The following C1orf50 variants were observed in gnomAD, a reference collection of about 807,000 sequenced individuals.
C1orf50 encodes the protein uncharacterized protein C1orf50.
A neutral mutation model predicts 23.3 loss-of-function variants in C1orf50; 22 were observed. The ratio of observed to expected loss-of-function variants is 0.94; its 90% CI spans 0.67 to 1.35. The LOEUF is 1.35. C1orf50 is among the 40% of genes most tolerant of loss of function. The pLI is 0.00. For missense variants in C1orf50, 271 were observed against 249.4 expected, an observed-to-expected ratio of 1.09 and a Z score of -0.58; for synonymous variants, 96 against 102.4, an observed-to-expected ratio of 0.94 and a Z score of 0.38.
Position 42,776,638 on chromosome 1 carries a change from A to T in C1orf50, c.*1244A>T, listed in dbSNP as rs1653346056. The T allele has an allele frequency of 6.6e-6, 1 of 152,266 alleles. No individual in the cohort carries two copies. The highest frequency in any genetic ancestry group is 2.4e-5 in the African/African-American group (1 of 41,450). 9.4% of individuals were successfully genotyped at this position (152,266 alleles called of 1,614,324 possible). On this transcript the variant is annotated 3_prime_UTR_variant, in exon 5 of 5. Coordinates refer to ENST00000372525, the MANE Select transcript of C1orf50 (RefSeq NM_024097.4). ...AGGTCTACCTAAGGCCTAGCACAGG[A>T]TGGGGCTAGAATCTAACAAACTCAC...
intron 3 of C1orf50, among the ~76,000 whole-genome samples, chr1:42,774,368 C>T (rs1440770694): frequency 1.3e-5 from 2 of 152,138 alleles, no homozygotes; most frequent in East Asian, 3.9e-4. Context: ...GTTGGGAGTA[C>T]AGGCATATGC....
Position 42,775,546 on chromosome 1 carries a change from T to A in C1orf50, c.*152T>A. Reference sequence around the variant, plus strand: ...ATGTAAATGCTGTCATTATGACTTTTAATTGGGATGGGAATAATCATTGAG... The same window carrying A: ...ATGTAAATGCTGTCATTATGACTTTAAATTGGGATGGGAATAATCATTGAG... On this transcript the variant is annotated 3_prime_UTR_variant, in exon 5 of 5. Coordinates refer to ENST00000372525, the MANE Select transcript of C1orf50 (RefSeq NM_024097.4). 3.2e-6 allele frequency: 2 copies of A among 616,332 alleles called. No homozygotes were observed. The highest frequency in any genetic ancestry group is 5.4e-6 in the Non-Finnish European group (2 of 371,598). The allele number at this position is 616,332 out of a possible 1,614,324, so 38.2% of individuals were successfully genotyped here.
At position 42,767,619 on chromosome 1, in the gene C1orf50, CAGA is replaced by C; in HGVS notation, c.193_195del (p.Lys65del). Reference sequence around the variant, plus strand: ...CCTCGTGGCGCTCGCAGAGCAGGTGCAGAAGGTGAGGAGGCGCGGCCGGGGCAG... The same window carrying C: ...CCTCGTGGCGCTCGCAGAGCAGGTGCAGGTGAGGAGGCGCGGCCGGGGCAG... On this transcript the variant is annotated inframe_deletion and splice_region_variant, in exon 2 of 5. Transcript: ENST00000372525. 1 of 1,610,804 alleles carries C rather than the reference CAGA, an allele frequency of 6.2e-7. No individual in the cohort carries two copies. Among genetic ancestry groups the C allele is most frequent in the Non-Finnish European group, 8.5e-7 (1 of 1,179,062 alleles).
chr1:42,774,462 A>T (rs1653292295), intron 3 of C1orf50, among the ~76,000 whole-genome samples: 1 of 152,194 alleles, frequency 6.6e-6, no homozygotes, highest in Non-Finnish European at 1.5e-5. Flanking sequence ...AACTCAAGTG[A>T]TCCACCTGCC....
At chr1:42,767,429 C>G in intron 1 of C1orf50, 39 bp downstream of exon 1, 1 of 1,553,198 alleles carries the variant, frequency 6.4e-7, no homozygotes, top group Non-Finnish European at 8.7e-7. Flanking sequence ...AGTCAGCTCC[C>G]GCGAGGCAGC....
intron 2 of C1orf50, among the ~76,000 whole-genome samples, chr1:42,772,723 G>A (rs930025757): frequency 6.6e-6 from 1 of 152,018 alleles, no homozygotes; most frequent in Non-Finnish European, 1.5e-5. Context: ...AGAAGTTGCA[G>A]TGAGCCAAGA....
At chr1:42,771,972 C>T (rs1477874742) in intron 2 of C1orf50, among the ~76,000 whole-genome samples, 4 of 90,670 alleles carry the variant, frequency 4.4e-5, no homozygotes, top group African/African-American at 1.4e-4. Flanking sequence ...GAGACTCTGC[C>T]TCAAAAAAAA....
chr1:42,767,308 T>C lies in C1orf50; in HGVS notation c.-4T>C. 3 of 1,505,412 alleles carry C rather than the reference T, an allele frequency of 2.0e-6. No homozygotes were observed. Among genetic ancestry groups the C allele is most frequent in the South Asian group, 1.3e-5 (1 of 75,458 alleles). The allele number at this position is 1,505,412 out of a possible 1,614,324, so 93.3% of individuals were successfully genotyped here. A position where few individuals can be genotyped will look rare whatever the true frequency, so the allele number is the denominator to read the frequency against. ...CCAGGGAGTGGGGAGGATAAGGCGCTGTCATGGAGGACGCCGCCGCGCCGG... is the reference window on the plus strand; with the variant it reads ...CCAGGGAGTGGGGAGGATAAGGCGCCGTCATGGAGGACGCCGCCGCGCCGG... On this transcript the variant is annotated 5_prime_UTR_variant, in exon 1 of 5. Coordinates refer to ENST00000372525, the MANE Select transcript of C1orf50 (RefSeq NM_024097.4).
chr1:42,773,251 GAA>G, intron 2 of C1orf50: 1 of 210,226 alleles, frequency 4.8e-6, no homozygotes, highest in Non-Finnish European at 9.7e-6. Flanking sequence ...GCAGGAGAGA[GAA>G]AGAGAGAAGG....
Position 42,773,579 on chromosome 1 carries a change from G to A in C1orf50, c.212G>A (p.Arg71Gln), listed in dbSNP as rs182425769. Residue 71 changes from arginine to glutamine, a missense_variant, in exon 3 of 5, where the codon CGA becomes CAA. Physicochemically the swap from Arg to Gln is conservative, Grantham distance 43 (BLOSUM62 1). Coordinates refer to ENST00000372525, the MANE Select transcript of C1orf50 (RefSeq NM_024097.4). ...CACCTGTAGGCTGATGAATTCATCCGAGCAAATGCCACCAACAAGCTGACA... is the reference window on the plus strand; with the variant it reads ...CACCTGTAGGCTGATGAATTCATCCAAGCAAATGCCACCAACAAGCTGACA... ...EQVQKADEFIRANATNKLTVI... is the reference protein window; with the variant it reads ...EQVQKADEFIQANATNKLTVI... The A allele has an allele frequency of 1.1e-5, 17 of 1,611,760 alleles. No individual in the cohort carries two copies. The African/African-American group carries it at 1.2e-4, about 11-fold the overall frequency.
At position 42,778,079 on chromosome 1, in the gene C1orf50, AG is replaced by A. The variant is rs1653374531; in HGVS notation, c.*2686del. The A allele has an allele frequency of 6.6e-6, 1 of 152,102 alleles. No individual in the cohort carries two copies. The highest frequency in any genetic ancestry group is 6.5e-5 in the Admixed American group (1 of 15,280). The allele number at this position is 152,102 out of a possible 1,614,324, so 9.4% of individuals were successfully genotyped here. A position where few individuals can be genotyped will look rare whatever the true frequency, so the allele number is the denominator to read the frequency against. ...GTCATTGCTCTTTCCTGGTTAAGCC[AG>A]TTACCACACTTGGGAAGGGCTAGTG... is the stretch of plus-strand genomic sequence containing the variant. On this transcript the variant is annotated 3_prime_UTR_variant, in exon 5 of 5. Coordinates refer to ENST00000372525, the MANE Select transcript of C1orf50 (RefSeq NM_024097.4).
rs888303987 is a variant in C1orf50 at position 42,776,671 on chromosome 1, A to T, written c.*1277A>T. On this transcript the variant is annotated 3_prime_UTR_variant, in exon 5 of 5. Coordinates refer to ENST00000372525, the MANE Select transcript of C1orf50 (RefSeq NM_024097.4). ...AGAATCTAACAAACTCACTCCGATG[A>T]TACTTGGTTGCTCGGTTCACATGGG... The T allele has an allele frequency of 2.0e-5, 3 of 152,214 alleles. No individual in the cohort carries two copies. Among genetic ancestry groups the T allele is most frequent in the African/African-American group, 7.2e-5 (3 of 41,444 alleles). 9.4% of individuals were successfully genotyped at this position (152,214 alleles called of 1,614,324 possible). A position where few individuals can be genotyped will look rare whatever the true frequency, so the allele number is the denominator to read the frequency against.
rs1190931053 is a variant in C1orf50 at position 42,767,620 on chromosome 1, A to G, written c.191A>G (p.Gln64Arg). The change falls in exon 2 of 5, where the codon CAG (glutamine) becomes CGG (arginine). Residue 64 changes from glutamine to arginine, a missense_variant. Coordinates refer to ENST00000372525, the MANE Select transcript of C1orf50 (RefSeq NM_024097.4). ...LDLVALAEQV[Q>R]KADEFIRANA... Reference sequence around the variant, plus strand: ...CTCGTGGCGCTCGCAGAGCAGGTGCAGAAGGTGAGGAGGCGCGGCCGGGGC... The same window carrying G: ...CTCGTGGCGCTCGCAGAGCAGGTGCGGAAGGTGAGGAGGCGCGGCCGGGGC... 1.9e-6 allele frequency: 3 copies of G among 1,610,636 alleles called. No individual in the cohort carries two copies. The highest frequency in any genetic ancestry group is 2.5e-6 in the Non-Finnish European group (3 of 1,179,042).
In C1orf50 at chr1:42,767,279, C is replaced by A. The variant is rs900929481; in HGVS notation, c.-33C>A. 4 of 1,474,838 alleles carry A rather than the reference C, an allele frequency of 2.7e-6. No homozygotes were observed. The highest frequency in any genetic ancestry group is 2.5e-4 in the Middle Eastern group (1 of 4,002). The allele number at this position is 1,474,838 out of a possible 1,614,324, so 91.4% of individuals were successfully genotyped here. ...TATGCGCAGGCTCTTCCTACTCGCA[C>A]AGCCCAGGGAGTGGGGAGGATAAGG... On this transcript the variant is annotated 5_prime_UTR_variant, in exon 1 of 5. Coordinates refer to ENST00000372525, the MANE Select transcript of C1orf50 (RefSeq NM_024097.4).
intron 2 of C1orf50, among the ~76,000 whole-genome samples, chr1:42,768,252 A>G (rs891883042): frequency 6.6e-6 from 1 of 152,248 alleles, no homozygotes. Context: ...CTGGACCTCA[A>G]CTATTTTATC....
In C1orf50 at chr1:42,767,392, T is replaced by G; in HGVS notation, c.79+2T>G. The G allele has an allele frequency of 6.4e-7, 1 of 1,554,860 alleles. No individual in the cohort carries two copies. Among genetic ancestry groups the G allele is most frequent in the Non-Finnish European group, 8.7e-7 (1 of 1,151,540 alleles). ...CGCCGCCAGCTGCAGGCCAGGGAGG[T>G]ATGCGGGGCGGGAGTCAGCAGGGGG... On this transcript the variant is annotated splice_donor_variant, in intron 1 of 4. Coordinates refer to ENST00000372525, the MANE Select transcript of C1orf50 (RefSeq NM_024097.4). LOFTEE classifies it high-confidence loss of function.
rs113674987 is a variant in C1orf50 at position 42,768,899 on chromosome 1, G to A, written c.195+1275G>A. On this transcript the variant is annotated intron_variant, in intron 2 of 4. Transcript: ENST00000372525. ...TGCCTCTGTTTCCCCAATACAATCTGTATTTGAGAAGCTGAAGAAAAAAAA... is the reference window on the plus strand; with the variant it reads ...TGCCTCTGTTTCCCCAATACAATCTATATTTGAGAAGCTGAAGAAAAAAAA... Among the ~76,000 whole-genome samples the A allele has an allele frequency of 6.4e-3, 972 of 152,034 alleles. 2 individuals are homozygous for A. The highest frequency in any genetic ancestry group is 0.01 in the Non-Finnish European group (688 of 67,990).
intron 2 of C1orf50, among the ~76,000 whole-genome samples, chr1:42,772,897 A>G (rs1653252285): frequency 1.3e-5 from 2 of 152,202 alleles, no homozygotes; most frequent in Admixed American, 6.5e-5. Flanking sequence ...TTTAAAATAC[A>G]TTTTAAGTAA....
rs554826564 is a variant in C1orf50, at chr1:42,776,316, T to C, written c.*922T>C. 1 of 152,340 alleles carries C rather than the reference T, an allele frequency of 6.6e-6. No individual in the cohort carries two copies. Among genetic ancestry groups the C allele is most frequent in the African/African-American group, 2.4e-5 (1 of 41,588 alleles). The allele number at this position is 152,340 out of a possible 1,614,324, so 9.4% of individuals were successfully genotyped here. ...ATTTTGACCAGAATTATTCAAGAACTTAACAGGGTTTTGGCAAAATTACTG... is the reference window on the plus strand; with the variant it reads ...ATTTTGACCAGAATTATTCAAGAACCTAACAGGGTTTTGGCAAAATTACTG... On this transcript the variant is annotated 3_prime_UTR_variant, in exon 5 of 5. Transcript: ENST00000372525.
Sources: allele counts gnomAD v4.1 joint callset (sites outside exome capture counted in the v4.1 genomes callset), GRCh38; gene constraint gnomAD v4.1.1; transcripts MANE v1.5; gene names NCBI Gene and HGNC (gene_info 2026-07-23, HGNC 2026-07-21).